RAB28: variants seen among roughly 807,000 people sequenced by gnomAD.
RAB28 encodes the protein ras-related protein Rab-28.
RAB28 carries 24 observed loss-of-function variants against 31.7 expected under a neutral mutation model. That is an observed-to-expected ratio of 0.76 (90% confidence interval 0.55 to 1.06). The LOEUF (loss-of-function observed/expected upper bound fraction) is 1.06, where lower values mean the gene tolerates loss of function less well. Ranked by LOEUF, RAB28 falls within the 50% of genes least tolerant of loss-of-function variation. RAB28 has a pLI of 0.00. For synonymous variants in RAB28, 100 were observed against 90.4 expected, an observed-to-expected ratio of 1.11 and a Z score of -0.60; for missense variants, 254 against 258.5, an observed-to-expected ratio of 0.98 and a Z score of 0.12.
At chr4:13,404,929 C>CTTT (rs76156995) in intron 4 of RAB28, among the ~76,000 whole-genome samples, 1 of 134,186 alleles carries the variant, frequency 7.5e-6, no homozygotes, top group Admixed American at 7.5e-5. Flanking sequence ...TCACTCTGTA[C>CTTT]TTTTTTTTTT....
At chr4:13,419,952 A>G (rs76587986) in intron 4 of RAB28, among the ~76,000 whole-genome samples, 1 of 152,106 alleles carries the variant, frequency 6.6e-6, no homozygotes, top group Non-Finnish European at 1.5e-5. Flanking sequence ...AAAAAAAAAA[A>G]TCAATGAATC....
Position 13,405,360 on chromosome 4 carries a change from A to G in RAB28, c.392-23766T>C, listed in dbSNP as rs552577768. Among the ~76,000 whole-genome samples the G allele has an allele frequency of 8.5e-5, 13 of 152,330 alleles. No individual in the cohort carries two copies. The South Asian group carries it at 1.2e-3, about 15-fold the overall frequency. The stretch of plus-strand genomic sequence containing the variant: ...TGAAACAATAAACATACGAGTTGAT[A>G]CTGAAAAGCAGTAAAAGAAAGCTGT... On this transcript the variant is annotated intron_variant, in intron 4 of 6. Transcript: ENST00000330852.
At chr4:13,395,599 C>A (rs1396325021) in intron 4 of RAB28, among the ~76,000 whole-genome samples, 1 of 152,006 alleles carries the variant, frequency 6.6e-6, no homozygotes, top group African/African-American at 2.4e-5. Context: ...AGGATCTCCA[C>A]TGCATCCACC....
At position 13,412,788 on chromosome 4, in the gene RAB28, T is replaced by TA. The variant is rs1489450916; in HGVS notation, c.392-31195dup. On this transcript the variant is annotated intron_variant, in intron 4 of 6. Transcript: ENST00000330852. ...AATATTACCATATATTTTTAAAACT[T>TA]AATTACACAACTACTTCTATAAAAT... is the stretch of plus-strand genomic sequence containing the variant. 1.3e-5 allele frequency among the ~76,000 whole-genome samples: 2 copies of TA among 152,098 alleles called. 1 individual carries two copies. The highest frequency in any genetic ancestry group is 4.8e-5 in the African/African-American group (2 of 41,422).
At chr4:13,470,769 T>G (rs1314422547) in intron 3 of RAB28, among the ~76,000 whole-genome samples, 1 of 152,138 alleles carries the variant, frequency 6.6e-6, no homozygotes, top group Non-Finnish European at 1.5e-5. Context: ...ATTTAAAATC[T>G]GGGAATTTAA....
chr4:13,482,069 A>C (rs1289488730), intron 1 of RAB28, among the ~76,000 whole-genome samples: 1 of 152,156 alleles, frequency 6.6e-6, no homozygotes, highest in African/African-American at 2.4e-5. Flanking sequence ...TTACAGTTTT[A>C]AAATAAGTTA....
chr4:13,416,197 A>G (rs886521252), intron 4 of RAB28, among the ~76,000 whole-genome samples: 43 of 152,106 alleles, frequency 2.8e-4, no homozygotes, highest in Non-Finnish European at 6.2e-4. Context: ...CCCCTTCCAC[A>G]CTGTGGAAGC....
At position 13,368,490 on chromosome 4, in the gene RAB28, C is replaced by G. The variant is rs967715984; in HGVS notation, c.*68G>C. 1.8e-4 allele frequency: 279 copies of G among 1,528,578 alleles called. 1 individual carries two copies. The highest frequency in any genetic ancestry group is 3.5e-4 in the Middle Eastern group (2 of 5,698). 94.7% of individuals were successfully genotyped at this position (1,528,578 alleles called of 1,614,324 possible). ...AGATGGTCACTGATAAAACAAGTTC[C>G]TAGAAGTCCTCGGGCCCACCCAGAG... On this transcript the variant is annotated 3_prime_UTR_variant, in exon 7 of 7. Coordinates refer to ENST00000330852, the MANE Select transcript of RAB28 (RefSeq NM_001017979.3).
At chr4:13,409,265 A>C (rs1712283052) in intron 4 of RAB28, among the ~76,000 whole-genome samples, 1 of 152,236 alleles carries the variant, frequency 6.6e-6, no homozygotes, top group African/African-American at 2.4e-5. Context: ...CCAACGAAGA[A>C]TCACTTGTTA....
chr4:13,408,784 CTACTT>C (rs1381353256), intron 4 of RAB28, among the ~76,000 whole-genome samples: 2 of 152,024 alleles, frequency 1.3e-5, no homozygotes, highest in African/African-American at 4.8e-5. Context: ...TGATCATTCT[CTACTT>C]TAAAATCCTA....
At chr4:13,401,604 T>C (rs1300372900) in intron 4 of RAB28, among the ~76,000 whole-genome samples, 1 of 152,252 alleles carries the variant, frequency 6.6e-6, no homozygotes, top group Non-Finnish European at 1.5e-5. Context: ...TTTTGTGATA[T>C]TTGCTTACAT....
At chr4:13,398,497 G>C (rs1268486553) in intron 4 of RAB28, among the ~76,000 whole-genome samples, 2 of 152,120 alleles carry the variant, frequency 1.3e-5, no homozygotes, top group East Asian at 1.9e-4. Flanking sequence ...TAAGACTGTC[G>C]GCCGGGCGCG....
intron 2 of RAB28, among the ~76,000 whole-genome samples, chr4:13,477,759 C>T (rs1276803664): frequency 1.3e-5 from 2 of 151,102 alleles, no homozygotes; most frequent in African/African-American, 4.8e-5. Context: ...ATTTTTTAAC[C>T]TAATTACTAA....
chr4:13,384,463 T>C (rs1348965039), intron 4 of RAB28, among the ~76,000 whole-genome samples: 3 of 152,146 alleles, frequency 2.0e-5, no homozygotes, highest in Non-Finnish European at 4.4e-5. Context: ...TACCACCTAC[T>C]GAAGTGTAAT....
At chr4:13,453,093 T>C (rs1715063687) in intron 4 of RAB28, among the ~76,000 whole-genome samples, 1 of 152,164 alleles carries the variant, frequency 6.6e-6, no homozygotes. Context: ...TAGCTACTCC[T>C]GATTGCTTTT....
intron 4 of RAB28, among the ~76,000 whole-genome samples, chr4:13,421,419 T>C (rs188765659): frequency 9.2e-4 from 140 of 152,160 alleles, no homozygotes; most frequent in Non-Finnish European, 1.4e-3. Flanking sequence ...AAAGTTCATA[T>C]GGAATAAAAA....
intron 4 of RAB28, among the ~76,000 whole-genome samples, chr4:13,452,145 T>C (rs1577227878): frequency 6.6e-6 from 1 of 152,112 alleles, no homozygotes; most frequent in East Asian, 1.9e-4. Flanking sequence ...TTCTTTTTCA[T>C]TTCTGATTTT....
chr4:13,455,849 G>T (rs2108955859), intron 4 of RAB28, among the ~76,000 whole-genome samples: 1 of 152,302 alleles, frequency 6.6e-6, no homozygotes, highest in East Asian at 1.9e-4. Flanking sequence ...ATCTGATCTG[G>T]ACAGGGGAGA....
intron 4 of RAB28, among the ~76,000 whole-genome samples, chr4:13,398,683 C>T (rs1257092517): frequency 6.6e-6 from 1 of 150,920 alleles, no homozygotes; most frequent in Non-Finnish European, 1.5e-5. Flanking sequence ...GAGGCTGAGG[C>T]AGGAGAACGG....
Sources: allele counts gnomAD v4.1 joint callset (sites outside exome capture counted in the v4.1 genomes callset), GRCh38; gene constraint gnomAD v4.1.1; transcripts MANE v1.5; gene names NCBI Gene and HGNC (gene_info 2026-07-23, HGNC 2026-07-21).